RBFOX1: variants seen among roughly 807,000 people sequenced by gnomAD.
RBFOX1 encodes the protein RNA binding protein fox-1 homolog 1.
A neutral mutation model predicts 57.7 loss-of-function variants in RBFOX1; 8 were observed. The ratio of observed to expected loss-of-function variants is 0.14; its 90% CI spans 0.08 to 0.25. The LOEUF is 0.25. Among genes scored for constraint, RBFOX1 ranks in the 10% least tolerant of loss-of-function variants. The pLI is 1.00. For missense variants in RBFOX1, 611 were observed against 548.5 expected, an observed-to-expected ratio of 1.11 and a Z score of -1.14; for synonymous variants, 326 against 222.4, an observed-to-expected ratio of 1.47 and a Z score of -4.15.
intron 4 of RBFOX1, among the ~76,000 whole-genome samples, chr16:7,306,164 T>G (rs1319564352): frequency 1.3e-5 from 2 of 152,226 alleles, no homozygotes; most frequent in African/African-American, 4.8e-5. Context: ...TGTGGTGGTG[T>G]TTGTGTTTTT....
chr16:7,426,533 T>C (rs1202658632), intron 4 of RBFOX1, among the ~76,000 whole-genome samples: 1 of 152,044 alleles, frequency 6.6e-6, no homozygotes, highest in South Asian at 2.1e-4. Flanking sequence ...CTAGGAAAAT[T>C]AGGAAGGAGA....
At chr16:6,576,381 C>G (rs1406819894) in intron 2 of RBFOX1, among the ~76,000 whole-genome samples, 1 of 152,130 alleles carries the variant, frequency 6.6e-6, no homozygotes, top group African/African-American at 2.4e-5. Context: ...CCTACGCAGA[C>G]ATGGGGAGAA....
intron 3 of RBFOX1, among the ~76,000 whole-genome samples, chr16:6,961,250 T>G (rs564519549): frequency 1.3e-5 from 2 of 152,086 alleles, no homozygotes; most frequent in Non-Finnish European, 2.9e-5. Context: ...GATGGCCATT[T>G]TCTCAGAACC....
At chr16:6,782,351 T>C (rs1298376683) in intron 3 of RBFOX1, among the ~76,000 whole-genome samples, 1 of 152,198 alleles carries the variant, frequency 6.6e-6, no homozygotes, top group African/African-American at 2.4e-5. Context: ...CCCATAGGTT[T>C]CAGTATGCTG....
At chr16:6,038,911 A>T (rs1405873103) in intron 1 of RBFOX1, 1 of 145,972 alleles carries the variant, frequency 6.9e-6, no homozygotes, top group Non-Finnish European at 1.5e-5. Flanking sequence ...GCCAAGCAGC[A>T]TCCTGGATTT....
At chr16:7,220,855 C>T (rs541002340) in intron 4 of RBFOX1, among the ~76,000 whole-genome samples, 1 of 152,122 alleles carries the variant, frequency 6.6e-6, no homozygotes, top group Non-Finnish European at 1.5e-5. Context: ...CCTTAACATC[C>T]CATCCTACTT....
At chr16:7,379,574 T>G (rs1032840838) in intron 4 of RBFOX1, among the ~76,000 whole-genome samples, 3 of 152,192 alleles carry the variant, frequency 2.0e-5, no homozygotes, top group Non-Finnish European at 4.4e-5. Flanking sequence ...GTGGTAAATA[T>G]ATATAGACAA....
At chr16:5,810,563 A>G (rs1030248261) in intron 3 of RBFOX1, among the ~76,000 whole-genome samples, 1 of 152,168 alleles carries the variant, frequency 6.6e-6, no homozygotes, top group African/African-American at 2.4e-5. Context: ...GGTGCTGGGT[A>G]TATCTGTGAC....
chr16:6,939,885 A>G (rs1203282901), intron 3 of RBFOX1, among the ~76,000 whole-genome samples: 1 of 152,206 alleles, frequency 6.6e-6, no homozygotes, highest in East Asian at 1.9e-4. Context: ...TTTACTGCAT[A>G]TTATTCAATT....
rs1336663294 is a variant in RBFOX1 at position 6,397,416 on chromosome 16, C to A, written c.-64+80359C>A. On this transcript the variant is annotated intron_variant, in intron 2 of 15. Coordinates refer to ENST00000550418, the MANE Select transcript of RBFOX1 (RefSeq NM_018723.4). ...GTCTTTTAATGGTTGACAAAGAAAT[C>A]TGCCCACCCAGAATTCTGTTTTCAT... 2.6e-5 allele frequency among the ~76,000 whole-genome samples: 4 copies of A among 151,426 alleles called. No individual in the cohort carries two copies. The East Asian group carries it at 7.8e-4, about 29-fold the overall frequency.
At chr16:7,653,363 G>T (rs1376362041) in intron 11 of RBFOX1, among the ~76,000 whole-genome samples, 1 of 152,096 alleles carries the variant, frequency 6.6e-6, no homozygotes, top group Non-Finnish European at 1.5e-5. Context: ...TTAGCCAGGT[G>T]TGGTAGCACA....
At chr16:7,215,988 G>C (rs1253625464) in intron 4 of RBFOX1, among the ~76,000 whole-genome samples, 1 of 152,140 alleles carries the variant, frequency 6.6e-6, no homozygotes, top group Non-Finnish European at 1.5e-5. Context: ...CTCCCAAAGT[G>C]CTGAGATTAC....
chr16:6,669,375 T>G (rs1464590064), intron 3 of RBFOX1, among the ~76,000 whole-genome samples: 1 of 152,210 alleles, frequency 6.6e-6, no homozygotes, highest in East Asian at 1.9e-4. Context: ...GGATTTATTT[T>G]TGCATAAAGC....
chr16:6,533,796 C>T (rs1289487787), intron 2 of RBFOX1, among the ~76,000 whole-genome samples: 2 of 152,156 alleles, frequency 1.3e-5, no homozygotes, highest in Non-Finnish European at 2.9e-5. Context: ...ACATAAACAT[C>T]TGCCTTTGAA....
At chr16:6,408,928 A>G (rs1245176971) in intron 2 of RBFOX1, among the ~76,000 whole-genome samples, 8 of 151,636 alleles carry the variant, frequency 5.3e-5, no homozygotes, top group Non-Finnish European at 1.0e-4. Context: ...CTATTTTATC[A>G]TTTTCTTTTG....
chr16:5,887,271 C>T (rs1418587023), intron 4 of RBFOX1, among the ~76,000 whole-genome samples: 5 of 152,154 alleles, frequency 3.3e-5, no homozygotes, highest in Admixed American at 3.3e-4. Context: ...TGGTACCTGG[C>T]CCTGGACACC....
intron 1 of RBFOX1, among the ~76,000 whole-genome samples, chr16:6,060,416 G>A (rs942390306): frequency 5.3e-5 from 8 of 152,000 alleles, no homozygotes; most frequent in Non-Finnish European, 1.0e-4. Flanking sequence ...GTTCTAGAAG[G>A]GTTAGCTGTA....
intron 3 of RBFOX1, among the ~76,000 whole-genome samples, chr16:6,962,340 C>T (rs1356812939): frequency 6.6e-6 from 1 of 152,118 alleles, no homozygotes; most frequent in Admixed American, 6.6e-5. Flanking sequence ...ATGACATCTG[C>T]AAAGATCCTA....
chr16:6,591,963 G>A (rs1442638857), intron 2 of RBFOX1, among the ~76,000 whole-genome samples: 1 of 152,134 alleles, frequency 6.6e-6, no homozygotes, highest in African/African-American at 2.4e-5. Flanking sequence ...AATATTTGAT[G>A]GGTGTCTACT....
Sources: allele counts gnomAD v4.1 joint callset (sites outside exome capture counted in the v4.1 genomes callset), GRCh38; gene constraint gnomAD v4.1.1; transcripts MANE v1.5; gene names NCBI Gene and HGNC (gene_info 2026-07-23, HGNC 2026-07-21).